Variants in AFG1L observed in about 807,000 individuals in gnomAD.
AFG1L encodes AFG1-like ATPase.
A neutral mutation model predicts 62.2 loss-of-function variants in AFG1L; 53 were observed. The observed-to-expected ratio is 0.85, with a 90% CI of 0.68 to 1.07. The LOEUF is 1.07. Among genes scored for constraint, AFG1L ranks in the 50% least tolerant of loss-of-function variants. The pLI is 0.00. For synonymous variants in AFG1L, 228 were observed against 210.3 expected, an observed-to-expected ratio of 1.08 and a Z score of -0.73; for missense variants, 555 against 590.5, an observed-to-expected ratio of 0.94 and a Z score of 0.62.
intron 7 of AFG1L, among the ~76,000 whole-genome samples, chr6:108,410,024 G>A (rs1478142021): frequency 6.6e-6 from 1 of 151,992 alleles, no homozygotes; most frequent in Non-Finnish European, 1.5e-5. Context: ...ATACATTTTT[G>A]GCTGGGCGCA....
intron 10 of AFG1L, among the ~76,000 whole-genome samples, chr6:108,485,971 G>A (rs1773557608): frequency 6.6e-6 from 1 of 151,142 alleles, no homozygotes; most frequent in Non-Finnish European, 1.5e-5. Context: ...CCATGCCCAT[G>A]GTCATTAATT....
At chr6:108,516,591 A>G (rs1009755797) in intron 11 of AFG1L, among the ~76,000 whole-genome samples, 1 of 152,170 alleles carries the variant, frequency 6.6e-6, no homozygotes, top group East Asian at 1.9e-4. Flanking sequence ...AAAACTGGCA[A>G]AAGACAGGGA....
At chr6:108,322,641 T>C (rs1346860208) in intron 1 of AFG1L, among the ~76,000 whole-genome samples, 1 of 151,976 alleles carries the variant, frequency 6.6e-6, no homozygotes, top group Admixed American at 6.6e-5. Flanking sequence ...TTAAGGACTT[T>C]TCCCCCTCTT....
rs146005663 is a variant in AFG1L at position 108,417,064 on chromosome 6, C to T, written c.807+15010C>T. 4.9e-3 allele frequency among the ~76,000 whole-genome samples: 745 copies of T among 151,708 alleles called. 3 individuals are homozygous for T. Among genetic ancestry groups the T allele is most frequent in the African/African-American group, 0.017 (720 of 41,352 alleles). On this transcript the variant is annotated intron_variant, in intron 7 of 12. Coordinates refer to ENST00000368977, the MANE Select transcript of AFG1L (RefSeq NM_145315.5). ...CCTGGGCAACATGGCAAGACCTCAT[C>T]TCTACAAAAAAATAAAAAATTTAGT...
At position 108,476,897 on chromosome 6, in the gene AFG1L, A is replaced by G. The variant is rs1773127808; in HGVS notation, c.923A>G (p.Asp308Gly). The change falls in exon 9 of 13, where the codon GAT becomes GGT. Residue 308 changes from aspartate to glycine, a missense_variant. Coordinates refer to ENST00000368977, the MANE Select transcript of AFG1L (RefSeq NM_145315.5). ...TSEADVEAVM[D>G]KLFDELAQKQ... is the part of the protein sequence containing the mutation. ...GAAGCTGATGTGGAGGCTGTCATGG[A>G]TAAGTTGTTTGATGAGCTGGCTCAG... 4.3e-6 allele frequency: 7 copies of G among 1,613,898 alleles called. No individual in the cohort carries two copies. Among genetic ancestry groups the G allele is most frequent in the East Asian group, 2.2e-5 (1 of 44,880 alleles).
intron 8 of AFG1L, among the ~76,000 whole-genome samples, chr6:108,463,857 A>G (rs1006971789): frequency 6.6e-6 from 1 of 152,220 alleles, no homozygotes; most frequent in Non-Finnish European, 1.5e-5. Flanking sequence ...TCTGTTTTAT[A>G]TTAAGGCAAG....
At chr6:108,490,105 A>T (rs1259221677) in intron 10 of AFG1L, among the ~76,000 whole-genome samples, 1 of 152,252 alleles carries the variant, frequency 6.6e-6, no homozygotes, top group Non-Finnish European at 1.5e-5. Context: ...TTACGCCTGT[A>T]ATCCCAGCAC....
intron 8 of AFG1L, among the ~76,000 whole-genome samples, chr6:108,459,694 A>C (rs1772381548): frequency 2.0e-5 from 3 of 152,238 alleles, no homozygotes; most frequent in Non-Finnish European, 4.4e-5. Context: ...AATTGAAAAA[A>C]TGTTGAGAGA....
chr6:108,307,279 T>C (rs2114830574), intron 1 of AFG1L, among the ~76,000 whole-genome samples: 1 of 152,322 alleles, frequency 6.6e-6, no homozygotes, highest in Non-Finnish European at 1.5e-5. Context: ...CCCAAAGTGC[T>C]AGGATTACGG....
At chr6:108,312,616 C>G (rs1188862639) in intron 1 of AFG1L, among the ~76,000 whole-genome samples, 1 of 152,116 alleles carries the variant, frequency 6.6e-6, no homozygotes. Context: ...TGAATCCAGT[C>G]CAACTTAAAG....
chr6:108,462,773 T>TTG (rs1772512112), intron 8 of AFG1L, among the ~76,000 whole-genome samples: 1 of 152,164 alleles, frequency 6.6e-6, no homozygotes, highest in Non-Finnish European at 1.5e-5. Flanking sequence ...TAAATAATAA[T>TTG]TGTGTATATA....
At chr6:108,406,238 C>G (rs746610335) in intron 7 of AFG1L, among the ~76,000 whole-genome samples, 1 of 151,858 alleles carries the variant, frequency 6.6e-6, no homozygotes, top group Non-Finnish European at 1.5e-5. Context: ...TACCATATTA[C>G]GTTCCCATCA....
chr6:108,352,546 TG>T (rs1174686592), intron 3 of AFG1L, among the ~76,000 whole-genome samples: 1 of 152,194 alleles, frequency 6.6e-6, no homozygotes, highest in Non-Finnish European at 1.5e-5. Context: ...TATACTATAT[TG>T]TTTTTTGTTT....
intron 5 of AFG1L, among the ~76,000 whole-genome samples, chr6:108,360,632 G>A (rs1261899700): frequency 1.3e-5 from 2 of 152,172 alleles, no homozygotes; most frequent in Non-Finnish European, 2.9e-5. Flanking sequence ...AGAAAAGGCT[G>A]ATATCTGCAT....
chr6:108,463,290 A>G (rs111336783), intron 8 of AFG1L, among the ~76,000 whole-genome samples: 2,556 of 147,258 alleles, frequency 0.017, 48 homozygotes, highest in African/African-American at 0.062. Flanking sequence ...CTCTGTCAAA[A>G]AAAAAAAAAA....
chr6:108,381,454 C>T (rs1184478479), intron 6 of AFG1L, among the ~76,000 whole-genome samples: 1 of 151,632 alleles, frequency 6.6e-6, no homozygotes. Context: ...GTCATCCTAG[C>T]TACTTGGGAG....
At chr6:108,437,678 C>T (rs1321241764) in intron 7 of AFG1L, among the ~76,000 whole-genome samples, 3 of 151,758 alleles carry the variant, frequency 2.0e-5, no homozygotes, top group Admixed American at 6.6e-5. Flanking sequence ...GGACTAAATA[C>T]GTAAAGGAAA....
chr6:108,484,627 G>T (rs1773450441), intron 10 of AFG1L, among the ~76,000 whole-genome samples: 1 of 152,124 alleles, frequency 6.6e-6, no homozygotes, highest in Non-Finnish European at 1.5e-5. Flanking sequence ...TATAGGACAT[G>T]TTCAGATAGG....
At chr6:108,470,218 C>T (rs1033323225) in intron 8 of AFG1L, among the ~76,000 whole-genome samples, 13 of 152,220 alleles carry the variant, frequency 8.5e-5, no homozygotes, top group Admixed American at 8.5e-4. Context: ...AGAACACTTC[C>T]CTCATCACTT....
Sources: allele counts gnomAD v4.1 joint callset (sites outside exome capture counted in the v4.1 genomes callset), GRCh38; gene constraint gnomAD v4.1.1; transcripts MANE v1.5; gene names NCBI Gene and HGNC (gene_info 2026-07-23, HGNC 2026-07-21).